Variants in GRIK1 observed in about 807,000 individuals in gnomAD.
The protein encoded by GRIK1 is glutamate receptor ionotropic, kainate 1.
In GRIK1, 69 loss-of-function variants were observed where a neutral mutation model predicts 105.7. The observed-to-expected ratio is 0.65, with a 90% CI of 0.54 to 0.80. The LOEUF (loss-of-function observed/expected upper bound fraction) is 0.80, where lower values mean the gene tolerates loss of function less well. GRIK1 is among the 30% of genes least tolerant of loss of function. The probability of loss-of-function intolerance (pLI) is 0.00; values close to 1 mark genes in which losing one functional copy is unlikely to be tolerated. For synonymous variants in GRIK1, 438 were observed against 431.3 expected (o/e 1.02, Z -0.19); for missense variants, 1,109 against 1,167.3 (o/e 0.95, Z 0.73).
chr21:29,580,009 A>ATATATATGTGTATATATG (rs1450752013), intron 13 of GRIK1, among the ~76,000 whole-genome samples: 8 of 124,972 alleles, frequency 6.4e-5, no homozygotes, highest in Non-Finnish European at 1.2e-4. Context: ...ATATATATGT[A>ATATATATGTGTATATATG]TATATATGTG....
chr21:29,914,144 T>A (rs1025586589), intron 1 of GRIK1, among the ~76,000 whole-genome samples: 1 of 151,990 alleles, frequency 6.6e-6, no homozygotes, highest in Non-Finnish European at 1.5e-5. Flanking sequence ...TATTTCTAAA[T>A]GGCAATAGCA....
At chr21:29,717,216 G>T (rs928528487) in intron 1 of GRIK1, among the ~76,000 whole-genome samples, 1 of 152,252 alleles carries the variant, frequency 6.6e-6, no homozygotes, top group African/African-American at 2.4e-5. Context: ...CCCTCATGGA[G>T]AATCTCTGCT....
At chr21:29,923,255 G>A (rs189185505) in intron 1 of GRIK1, among the ~76,000 whole-genome samples, 62 of 152,222 alleles carry the variant, frequency 4.1e-4, no homozygotes, top group African/African-American at 1.2e-3. Context: ...CTTTTCAGTC[G>A]AAATGTCAGT....
chr21:29,831,878 C>T (rs911414491), intron 1 of GRIK1, among the ~76,000 whole-genome samples: 1 of 152,106 alleles, frequency 6.6e-6, no homozygotes, highest in Non-Finnish European at 1.5e-5. Flanking sequence ...AACATTACCT[C>T]AAAAATCTAC....
chr21:29,854,451 G>A (rs2068400956), intron 1 of GRIK1, among the ~76,000 whole-genome samples: 1 of 151,990 alleles, frequency 6.6e-6, no homozygotes, highest in Non-Finnish European at 1.5e-5. Flanking sequence ...CTTGGCAGAT[G>A]AGCTTTCCAG....
At chr21:29,608,296 T>C (rs930326449) in intron 7 of GRIK1, among the ~76,000 whole-genome samples, 1 of 152,184 alleles carries the variant, frequency 6.6e-6, no homozygotes, top group Non-Finnish European at 1.5e-5. Context: ...AAAGAAAATA[T>C]GTTCCAAAGT....
chr21:29,544,510 A>C (rs550705327), intron 16 of GRIK1, among the ~76,000 whole-genome samples: 1 of 152,332 alleles, frequency 6.6e-6, no homozygotes, highest in Non-Finnish European at 1.5e-5. Flanking sequence ...TCTGAATCCC[A>C]GTCCTTTTTC....
intron 1 of GRIK1, among the ~76,000 whole-genome samples, chr21:29,759,858 G>A (rs2065462797): frequency 6.6e-6 from 1 of 152,036 alleles, no homozygotes; most frequent in South Asian, 2.1e-4. Flanking sequence ...GTTTGTCCTA[G>A]GCTATCTCAA....
intron 1 of GRIK1, among the ~76,000 whole-genome samples, chr21:29,820,046 TG>T (rs1255093352): frequency 6.6e-6 from 1 of 151,654 alleles, no homozygotes; most frequent in Non-Finnish European, 1.5e-5. Flanking sequence ...CTGGAGCTTT[TG>T]AAAAAAAAAA....
At chr21:29,684,268 A>ATCTG (rs927296625) in intron 3 of GRIK1, among the ~76,000 whole-genome samples, 4 of 151,598 alleles carry the variant, frequency 2.6e-5, no homozygotes, top group African/African-American at 9.7e-5. Flanking sequence ...CTATCTATCT[A>ATCTG]TCTATCTATC....
Position 29,655,859 on chromosome 21 carries a change from G to C in GRIK1, c.727-996C>G, listed in dbSNP as rs139488033. ...ACTTCGTGGAAGAAGGAAAAAAGGA[G>C]GTGGATAGGAAGGACAGGGGTTCTA... On this transcript the variant is annotated intron_variant, in intron 4 of 17. Coordinates refer to ENST00000327783, the MANE Select transcript of GRIK1 (RefSeq NM_001330994.2). Among the ~76,000 whole-genome samples the C allele has an allele frequency of 3.0e-4, 45 of 152,182 alleles. No homozygotes were observed. The East Asian group carries it at 8.7e-3, about 29-fold the overall frequency.
At chr21:29,596,408 C>T (rs2061413677) in intron 9 of GRIK1, 118 bp downstream of exon 9, 1 of 787,740 alleles carries the variant, frequency 1.3e-6, no homozygotes, top group Non-Finnish European at 2.3e-6. Context: ...ATGGAACTTC[C>T]CTTCTAAACT....
chr21:29,603,178 C>T (rs549074212), intron 7 of GRIK1, among the ~76,000 whole-genome samples: 2 of 152,026 alleles, frequency 1.3e-5, no homozygotes, highest in African/African-American at 4.8e-5. Context: ...TTCTGGCTAC[C>T]ATTCAGATAG....
intron 7 of GRIK1, among the ~76,000 whole-genome samples, chr21:29,633,206 A>G (rs1445320190): frequency 6.6e-6 from 1 of 152,212 alleles, no homozygotes; most frequent in East Asian, 1.9e-4. Flanking sequence ...CCAGAACTGT[A>G]AGAAATAAAT....
At chr21:29,769,261 C>A (rs1481803085) in intron 1 of GRIK1, among the ~76,000 whole-genome samples, 1 of 152,088 alleles carries the variant, frequency 6.6e-6, no homozygotes, top group Non-Finnish European at 1.5e-5. Flanking sequence ...CTAGGATGGG[C>A]CCTAATGCCA....
At chr21:29,745,045 A>G (rs944148289) in intron 1 of GRIK1, among the ~76,000 whole-genome samples, 3 of 152,156 alleles carry the variant, frequency 2.0e-5, no homozygotes, top group African/African-American at 7.2e-5. Context: ...ACAACAGAAT[A>G]CAGAGAAAGT....
chr21:29,645,575 G>T (rs2062601562), intron 6 of GRIK1, among the ~76,000 whole-genome samples: 1 of 152,018 alleles, frequency 6.6e-6, no homozygotes, highest in Non-Finnish European at 1.5e-5. Context: ...AAAACTATTT[G>T]TTCGAAAAAA....
At chr21:29,608,549 T>G (rs1305246660) in intron 7 of GRIK1, among the ~76,000 whole-genome samples, 1 of 152,134 alleles carries the variant, frequency 6.6e-6, no homozygotes, top group East Asian at 1.9e-4. Flanking sequence ...AACACTATAG[T>G]TTTATTTTCT....
intron 1 of GRIK1, chr21:29,748,068 G>A (rs1287300505): frequency 1.3e-5 from 2 of 152,050 alleles, no homozygotes; most frequent in Non-Finnish European, 2.9e-5. Context: ...CACTGTGAAA[G>A]CAAGGTGTAT....
Sources: allele counts gnomAD v4.1 joint callset (sites outside exome capture counted in the v4.1 genomes callset), GRCh38; gene constraint gnomAD v4.1.1; transcripts MANE v1.5; gene names NCBI Gene and HGNC (gene_info 2026-07-23, HGNC 2026-07-21).